The following ARAP2 variants were observed in gnomAD, a reference collection of about 807,000 sequenced individuals.
ARAP2 encodes ArfGAP with RhoGAP domain, ankyrin repeat and PH domain 2.
Under a neutral mutation model 194.5 loss-of-function variants are expected in ARAP2, and 148 were observed. That is an observed-to-expected ratio of 0.76 (90% confidence interval 0.67 to 0.87). ARAP2 has a LOEUF of 0.87. ARAP2 is among the 40% of genes least tolerant of loss of function. The probability of loss-of-function intolerance (pLI) is 0.00; values close to 1 mark genes in which losing one functional copy is unlikely to be tolerated. For missense variants in ARAP2, 2,128 were observed against 1,989.7 expected (o/e 1.07, Z -1.32); for synonymous variants, 695 against 683.5 (o/e 1.02, Z -0.26).
intron 21 of ARAP2, among the ~76,000 whole-genome samples, chr4:36,125,255 C>G (rs1233822506): frequency 6.6e-6 from 1 of 151,812 alleles, no homozygotes; most frequent in African/African-American, 2.4e-5. Context: ...TTTTTATCTT[C>G]TACTTTATGG....
Position 36,193,616 on chromosome 4 carries a change from A to G in ARAP2, c.1519T>C (p.Phe507Leu). ...TAGTAAGAAATGCTAAGGCCATCAA[A>G]TTTCACCCATCTCTTTTGAAACATG... is the stretch of plus-strand genomic sequence containing the variant. The part of the protein sequence containing the change: ...KRMFQKRWVK[F>L]DGLSISYYNN... The change falls in exon 7 of 33, where the codon TTT becomes CTT. Residue 507 changes from phenylalanine to leucine, a missense_variant. Coordinates refer to ENST00000303965, the MANE Select transcript of ARAP2 (RefSeq NM_015230.4). The G allele has an allele frequency of 6.2e-7, 1 of 1,601,208 alleles. No homozygotes were observed. The highest frequency in any genetic ancestry group is 1.7e-5 in the Admixed American group (1 of 57,952).
intron 5 of ARAP2, among the ~76,000 whole-genome samples, chr4:36,035,842 A>C (rs1239691392): frequency 6.6e-6 from 1 of 152,154 alleles, no homozygotes; most frequent in African/African-American, 2.4e-5. Context: ...AGTTGTCAAA[A>C]CGTTTTTCCA....
chr4:36,090,927 A>C (rs1713451716), intron 28 of ARAP2, among the ~76,000 whole-genome samples: 1 of 152,200 alleles, frequency 6.6e-6, no homozygotes, highest in Admixed American at 6.6e-5. Context: ...CAACAAATTA[A>C]AGAAAAATGC....
At chr4:36,028,358 CTTAAT>C (rs1718298640) in intron 5 of ARAP2, among the ~76,000 whole-genome samples, 1 of 152,054 alleles carries the variant, frequency 6.6e-6, no homozygotes, top group Middle Eastern at 3.5e-3. Context: ...TTAAAATCTT[CTTAAT>C]TTCTTTATGG....
Position 36,218,624 on chromosome 4 carries a change from A to G in ARAP2, c.906-4144T>C, listed in dbSNP as rs572475996. ...GACAGATTATAAACCTCAGTGTAAT[A>G]GGCCAAACAATAAAGCTAGAAGATA... On this transcript the variant is annotated intron_variant, in intron 2 of 32. Transcript: ENST00000303965. Among the ~76,000 whole-genome samples, 4 of 152,306 alleles carry G rather than the reference A, an allele frequency of 2.6e-5. No homozygotes were observed. The South Asian group carries it at 8.3e-4, about 32-fold the overall frequency.
intron 2 of ARAP2, among the ~76,000 whole-genome samples, chr4:36,218,827 A>G (rs185561180): frequency 1.1e-4 from 17 of 152,224 alleles, no homozygotes; most frequent in Admixed American, 9.8e-4. Context: ...TTATACCCAC[A>G]GTTTATCAGT....
intron 32 of ARAP2, among the ~76,000 whole-genome samples, chr4:36,069,608 T>A (rs930982195): frequency 7.2e-5 from 11 of 151,894 alleles, no homozygotes; most frequent in African/African-American, 2.7e-4. Flanking sequence ...TATAGAGAGG[T>A]TTTATATATC....
At chr4:36,030,438 T>C (rs1015279647) in intron 5 of ARAP2, among the ~76,000 whole-genome samples, 3 of 152,122 alleles carry the variant, frequency 2.0e-5, no homozygotes, top group Admixed American at 6.5e-5. Context: ...TTTTTATATA[T>C]AATTATAGAC....
intron 2 of ARAP2, among the ~76,000 whole-genome samples, chr4:36,223,571 C>T (rs1749617160): frequency 6.6e-6 from 1 of 152,124 alleles, no homozygotes; most frequent in African/African-American, 2.4e-5. Flanking sequence ...TGTGTCCCTA[C>T]CCCACAAAAT....
At chr4:36,022,462 G>C (rs2109342362) in intron 5 of ARAP2, among the ~76,000 whole-genome samples, 1 of 152,244 alleles carries the variant, frequency 6.6e-6, no homozygotes, top group South Asian at 2.1e-4. Context: ...CAGCGAGCGG[G>C]GAGTGAGCAG....
At chr4:36,168,628 T>C (rs1433677933) in intron 9 of ARAP2, among the ~76,000 whole-genome samples, 3 of 152,210 alleles carry the variant, frequency 2.0e-5, no homozygotes, top group Non-Finnish European at 4.4e-5. Flanking sequence ...ATTTTTAATA[T>C]ATAAAGTTTT....
chr4:36,149,572 C>G (rs1730454896), intron 16 of ARAP2, among the ~76,000 whole-genome samples: 1 of 152,128 alleles, frequency 6.6e-6, no homozygotes, highest in African/African-American at 2.4e-5. Context: ...CTACTTGTAT[C>G]AGTAATGTTA....
intron 6 of ARAP2, among the ~76,000 whole-genome samples, chr4:36,016,822 TG>T (rs1417114639): frequency 6.6e-6 from 1 of 152,168 alleles, no homozygotes; most frequent in Non-Finnish European, 1.5e-5. Flanking sequence ...TGCTCCTCAT[TG>T]TATATTCTTT....
At chr4:36,226,775 G>C (rs1461273214) in intron 2 of ARAP2, among the ~76,000 whole-genome samples, 1 of 152,164 alleles carries the variant, frequency 6.6e-6, no homozygotes, top group African/African-American at 2.4e-5. Context: ...AACTAAATGA[G>C]TATCAAGATT....
At chr4:36,018,244 T>C (rs1402960190) in intron 6 of ARAP2, among the ~76,000 whole-genome samples, 1 of 151,788 alleles carries the variant, frequency 6.6e-6, no homozygotes, top group Non-Finnish European at 1.5e-5. Flanking sequence ...AGGTCATGAG[T>C]TTCAAGAGTT....
At chr4:36,231,074 C>T (rs1162771776) in intron 1 of ARAP2, among the ~76,000 whole-genome samples, 9 of 152,172 alleles carry the variant, frequency 5.9e-5, no homozygotes, top group Non-Finnish European at 1.0e-4. Context: ...AAGTGGCTCA[C>T]GCCTGTAATC....
intron 11 of ARAP2, among the ~76,000 whole-genome samples, chr4:36,162,597 T>C (rs1734347412): frequency 1.3e-5 from 1 of 74,796 alleles, no homozygotes; most frequent in African/African-American, 6.3e-5. Flanking sequence ...AGGTAAGAAG[T>C]TCTTGTCTTT....
At chr4:36,211,813 A>G (rs1358505172) in intron 5 of ARAP2, among the ~76,000 whole-genome samples, 1 of 152,148 alleles carries the variant, frequency 6.6e-6, no homozygotes, top group Non-Finnish European at 1.5e-5. Flanking sequence ...CCCCAGAAAT[A>G]TATACATCTA....
chr4:36,205,186 T>C (rs1014741863), intron 6 of ARAP2, among the ~76,000 whole-genome samples: 3 of 151,918 alleles, frequency 2.0e-5, no homozygotes, highest in Admixed American at 6.6e-5. Context: ...TGTAACTATT[T>C]TAAAAGGATA....
Sources: gnomAD v4.1 joint callset for allele counts (sites outside exome capture counted in the v4.1 genomes callset) on GRCh38, gnomAD v4.1.1 for gene constraint, MANE v1.5 for transcripts, NCBI Gene and HGNC (gene_info 2026-07-23, HGNC 2026-07-21) for gene names.